SLC9A9: variants seen among roughly 807,000 people sequenced by gnomAD.
The protein encoded by SLC9A9 is sodium/hydrogen exchanger 9.
SLC9A9 carries 62 observed loss-of-function variants against 77.8 expected under a neutral mutation model. The observed-to-expected ratio is 0.80, with a 90% CI of 0.65 to 0.98. The LOEUF is 0.98. SLC9A9 is among the 50% of genes least tolerant of loss of function. SLC9A9 has a pLI of 0.00. For synonymous variants in SLC9A9, 320 were observed against 283.5 expected, an observed-to-expected ratio of 1.13 and a Z score of -1.29; for missense variants, 775 against 774.9, an observed-to-expected ratio of 1.00 and a Z score of 0.00.
chr3:143,523,949 G>A (rs1168776955), intron 9 of SLC9A9, among the ~76,000 whole-genome samples: 1 of 152,166 alleles, frequency 6.6e-6, no homozygotes. Context: ...GTCAAACAAT[G>A]ATATCTAATG....
intron 4 of SLC9A9, among the ~76,000 whole-genome samples, chr3:143,706,954 T>C (rs1933998533): frequency 6.6e-6 from 1 of 152,112 alleles, no homozygotes; most frequent in Non-Finnish European, 1.5e-5. Context: ...CCTCCAATTT[T>C]TGGTCCCCAG....
At chr3:143,843,225 G>T (rs1406088904) in intron 1 of SLC9A9, among the ~76,000 whole-genome samples, 1 of 152,186 alleles carries the variant, frequency 6.6e-6, no homozygotes, top group African/African-American at 2.4e-5. Flanking sequence ...GGGAGGCTGG[G>T]CTGTCCTGGA....
intron 2 of SLC9A9, among the ~76,000 whole-genome samples, chr3:143,818,078 G>A (rs1229677592): frequency 2.6e-5 from 4 of 151,960 alleles, no homozygotes; most frequent in Admixed American, 2.6e-4. Flanking sequence ...AATTTATAGT[G>A]GTTGCATAAT....
rs530704040 is a variant in SLC9A9, at chr3:143,410,176, C to T, written c.1470-28062G>A. Among the ~76,000 whole-genome samples, 5 of 152,312 alleles carry T rather than the reference C, an allele frequency of 3.3e-5. No individual in the cohort carries two copies. The East Asian group carries it at 9.6e-4, about 29-fold the overall frequency. The stretch of plus-strand genomic sequence containing the variant: ...GAGGATAGAGCCTTCTCTCTCACAT[C>T]AGGGCCCACACTGGACTTCTCCATG... On this transcript the variant is annotated intron_variant, in intron 12 of 15. Transcript: ENST00000316549.
chr3:143,378,160 C>T (rs111567316), intron 13 of SLC9A9, among the ~76,000 whole-genome samples: 9 of 152,294 alleles, frequency 5.9e-5, no homozygotes, highest in African/African-American at 2.2e-4. Flanking sequence ...TTATCAGTGT[C>T]CCCCAATAGA....
At chr3:143,643,523 T>C (rs936590510) in intron 6 of SLC9A9, among the ~76,000 whole-genome samples, 1 of 152,214 alleles carries the variant, frequency 6.6e-6, no homozygotes, top group Non-Finnish European at 1.5e-5. Flanking sequence ...GGGCAGTATA[T>C]GCCATATAAA....
chr3:143,384,341 C>T (rs1243975737), intron 12 of SLC9A9, among the ~76,000 whole-genome samples: 1 of 152,166 alleles, frequency 6.6e-6, no homozygotes, highest in South Asian at 2.1e-4. Flanking sequence ...CAGGTGCTGG[C>T]TGTTCCCTAG....
At chr3:143,276,782 A>C (rs1039431320) in intron 14 of SLC9A9, among the ~76,000 whole-genome samples, 1 of 152,040 alleles carries the variant, frequency 6.6e-6, no homozygotes, top group Non-Finnish European at 1.5e-5. Context: ...TGTCTAAAAA[A>C]AAAAACCTCC....
At chr3:143,749,389 C>G (rs1372981185) in intron 4 of SLC9A9, among the ~76,000 whole-genome samples, 2 of 152,176 alleles carry the variant, frequency 1.3e-5, no homozygotes, top group African/African-American at 4.8e-5. Context: ...CTAAGAGCCA[C>G]AACCCACTGG....
chr3:143,711,508 T>C (rs1015879889), intron 4 of SLC9A9, among the ~76,000 whole-genome samples: 4 of 151,874 alleles, frequency 2.6e-5, no homozygotes, highest in African/African-American at 9.7e-5. Context: ...CAAGGTCTCC[T>C]GCTGTCTTAG....
chr3:143,640,823 G>A (rs1358304378), intron 6 of SLC9A9, among the ~76,000 whole-genome samples: 3 of 152,206 alleles, frequency 2.0e-5, no homozygotes, highest in Non-Finnish European at 4.4e-5. Context: ...CTGCATTACA[G>A]CCTGGGCAAC....
Position 143,442,956 on chromosome 3 carries a change from C to A in SLC9A9, c.1469+24081G>T, listed in dbSNP as rs2034773573. Among the ~76,000 whole-genome samples the A allele has an allele frequency of 2.0e-5, 3 of 152,162 alleles. No homozygotes were observed. The South Asian group carries it at 6.2e-4, about 32-fold the overall frequency. ...TCCTACTAAGTTGGAAGAATGTTCT[C>A]TGAGGTTATGGTCCTTTGATTGTTT... On this transcript the variant is annotated intron_variant, in intron 12 of 15. Transcript: ENST00000316549.
chr3:143,677,859 C>T (rs1932935205), intron 5 of SLC9A9, among the ~76,000 whole-genome samples: 1 of 129,960 alleles, frequency 7.7e-6, no homozygotes, highest in South Asian at 2.7e-4. Context: ...CAGAGTCTCG[C>T]TCTGTCGCCC....
intron 6 of SLC9A9, among the ~76,000 whole-genome samples, chr3:143,625,296 C>T (rs1007233325): frequency 4.6e-5 from 7 of 152,140 alleles, no homozygotes; most frequent in Admixed American, 1.3e-4. Flanking sequence ...AAAAAGAGCC[C>T]GCATTGCCAA....
At chr3:143,335,064 A>T (rs2031883998) in intron 14 of SLC9A9, among the ~76,000 whole-genome samples, 1 of 152,174 alleles carries the variant, frequency 6.6e-6, no homozygotes, top group East Asian at 1.9e-4. Flanking sequence ...GATTCCACAA[A>T]AAATCTGTTA....
chr3:143,645,798 C>T (rs2038697174), intron 6 of SLC9A9, among the ~76,000 whole-genome samples: 1 of 151,886 alleles, frequency 6.6e-6, no homozygotes, highest in East Asian at 1.9e-4. Flanking sequence ...TAATTGATGA[C>T]ATCGAATTTC....
rs549747150 is a variant in SLC9A9, at chr3:143,344,085, T to A, written c.1604+19399A>T. 2.0e-5 allele frequency among the ~76,000 whole-genome samples: 3 copies of A among 152,348 alleles called. No homozygotes were observed. In the East Asian group the frequency reaches 5.8e-4, roughly 29 times the overall value. ...GATTCACTTACAGTTCATTTTGGAATAATTTATGCCAGTTTTCTCTGATGT... is the reference window on the plus strand; with the variant it reads ...GATTCACTTACAGTTCATTTTGGAAAAATTTATGCCAGTTTTCTCTGATGT... On this transcript the variant is annotated intron_variant, in intron 14 of 15. Transcript: ENST00000316549.
intron 11 of SLC9A9, among the ~76,000 whole-genome samples, chr3:143,467,514 T>A (rs2035303982): frequency 6.6e-6 from 1 of 151,980 alleles, no homozygotes; most frequent in African/African-American, 2.4e-5. Context: ...GAAGTTGAAG[T>A]GGGAAAATCA....
intron 13 of SLC9A9, among the ~76,000 whole-genome samples, chr3:143,377,416 C>T (rs975754294): frequency 3.3e-5 from 5 of 152,166 alleles, no homozygotes; most frequent in African/African-American, 9.6e-5. Flanking sequence ...TCCTTTTAAT[C>T]CCTGCTGCTC....
Sources: allele counts gnomAD v4.1 joint callset (sites outside exome capture counted in the v4.1 genomes callset), GRCh38; gene constraint gnomAD v4.1.1; transcripts MANE v1.5; gene names NCBI Gene and HGNC (gene_info 2026-07-23, HGNC 2026-07-21).